The following TJP1 variants were observed in gnomAD, a reference collection of about 807,000 sequenced individuals.
TJP1 encodes the protein tight junction protein ZO-1.
In TJP1, 43 loss-of-function variants were observed where a neutral mutation model predicts 194.2. The ratio of observed to expected loss-of-function variants is 0.22; its 90% CI spans 0.17 to 0.29. TJP1 has a LOEUF of 0.29. TJP1 is among the 10% of genes least tolerant of loss of function. TJP1 has a pLI of 1.00. For missense variants in TJP1, 1,971 were observed against 2,185.7 expected, an observed-to-expected ratio of 0.90 and a Z score of 1.96; for synonymous variants, 801 against 779.0, an observed-to-expected ratio of 1.03 and a Z score of -0.47.
At chr15:29,775,027 C>G (rs147248853) in intron 2 of TJP1, among the ~76,000 whole-genome samples, 5 of 151,766 alleles carry the variant, frequency 3.3e-5, no homozygotes, top group African/African-American at 9.6e-5. Context: ...AAATTGCACA[C>G]CGTTATGAGC....
intron 2 of TJP1, among the ~76,000 whole-genome samples, chr15:29,828,953 A>T (rs1436717515): frequency 6.6e-6 from 1 of 152,092 alleles, no homozygotes; most frequent in East Asian, 1.9e-4. Flanking sequence ...GGGTTTCACC[A>T]TGTTGGCCAG....
At chr15:29,869,795 C>CT (rs11318770) in intron 2 of TJP1, among the ~76,000 whole-genome samples, 794 of 56,068 alleles carry the variant, frequency 0.014, 58 homozygotes, top group African/African-American at 0.032. Context: ...TTCTTTCTTT[C>CT]TTTTTTTTTT....
intron 2 of TJP1, among the ~76,000 whole-genome samples, chr15:29,782,369 A>G (rs897457895): frequency 6.6e-6 from 1 of 152,220 alleles, no homozygotes; most frequent in Non-Finnish European, 1.5e-5. Context: ...ACGGAACGTA[A>G]CAGGGAGCCC....
chr15:29,854,065 G>C (rs2051750778), intron 2 of TJP1, among the ~76,000 whole-genome samples: 1 of 152,054 alleles, frequency 6.6e-6, no homozygotes, highest in African/African-American at 2.4e-5. Context: ...AAAATAACAT[G>C]GCCAGTCTCT....
chr15:29,961,435 G>A (rs2056159412), intron 1 of TJP1, among the ~76,000 whole-genome samples: 1 of 130,002 alleles, frequency 7.7e-6, no homozygotes, highest in Non-Finnish European at 1.6e-5. Context: ...TGCAAGCTCC[G>A]CTTCCCGGGT....
intron 2 of TJP1, among the ~76,000 whole-genome samples, chr15:29,884,800 C>G (rs1355750748): frequency 1.3e-5 from 2 of 152,148 alleles, no homozygotes; most frequent in Non-Finnish European, 2.9e-5. Flanking sequence ...ACAAACACCA[C>G]AGGAGCAGGT....
rs538274122 is a variant in TJP1, at chr15:29,899,461, G to C, written c.306+56771C>G. On this transcript the variant is annotated intron_variant, in intron 2 of 28. Transcript: ENST00000356107. Reference sequence around the variant, plus strand: ...CATTTACTTCCTTACTATTGTCTTTGGGAAGTTTTATCAGCTCTTCAGATG... The same window carrying C: ...CATTTACTTCCTTACTATTGTCTTTCGGAAGTTTTATCAGCTCTTCAGATG... Among the ~76,000 whole-genome samples, 5 of 152,160 alleles carry C rather than the reference G, an allele frequency of 3.3e-5. No homozygotes were observed. The South Asian group carries it at 8.3e-4, about 25-fold the overall frequency.
intron 2 of TJP1, among the ~76,000 whole-genome samples, chr15:29,923,668 C>T (rs767503040): frequency 1.3e-5 from 2 of 152,130 alleles, no homozygotes; most frequent in African/African-American, 4.8e-5. Context: ...TAGGGGGTGA[C>T]AGCTGGTAAT....
intron 10 of TJP1, among the ~76,000 whole-genome samples, chr15:29,739,947 C>T (rs1197006420): frequency 6.6e-6 from 1 of 152,146 alleles, no homozygotes; most frequent in Non-Finnish European, 1.5e-5. Context: ...CTTCTATCTA[C>T]CTAGCTGGGT....
chr15:29,778,283 C>T (rs971281733), intron 2 of TJP1, among the ~76,000 whole-genome samples: 1 of 151,820 alleles, frequency 6.6e-6, no homozygotes, highest in African/African-American at 2.4e-5. Flanking sequence ...ATGCATGATC[C>T]TCAATCTATA....
intron 2 of TJP1, among the ~76,000 whole-genome samples, chr15:29,875,066 T>C (rs994233406): frequency 1.3e-5 from 2 of 152,182 alleles, no homozygotes; most frequent in Non-Finnish European, 2.9e-5. Context: ...AGAAATCCTA[T>C]TACATAAAGA....
intron 2 of TJP1, among the ~76,000 whole-genome samples, chr15:29,872,847 G>A (rs552105643): frequency 1.3e-4 from 20 of 152,268 alleles, no homozygotes; most frequent in African/African-American, 4.6e-4. Flanking sequence ...CTCTGAGTGA[G>A]TCTCACAGGG....
intron 4 of TJP1, among the ~76,000 whole-genome samples, chr15:29,768,444 C>T (rs1163504366): frequency 6.6e-6 from 1 of 152,118 alleles, no homozygotes; most frequent in Non-Finnish European, 1.5e-5. Flanking sequence ...GTATTTTAAT[C>T]TTCAGTTCCT....
At chr15:29,883,757 A>G (rs1016442553) in intron 2 of TJP1, among the ~76,000 whole-genome samples, 1 of 152,218 alleles carries the variant, frequency 6.6e-6, no homozygotes, top group Non-Finnish European at 1.5e-5. Context: ...GCCTGTAGTG[A>G]TAAAAGAGCT....
chr15:29,863,092 C>T (rs1567144245), intron 2 of TJP1, among the ~76,000 whole-genome samples: 2 of 151,500 alleles, frequency 1.3e-5, no homozygotes, highest in South Asian at 2.1e-4. Flanking sequence ...GTCAGGAGTT[C>T]GAGACCAGCC....
At chr15:29,749,991 T>A (rs990632057) in intron 8 of TJP1, among the ~76,000 whole-genome samples, 3 of 151,252 alleles carry the variant, frequency 2.0e-5, no homozygotes, top group African/African-American at 7.3e-5. Context: ...TACAGGAGCA[T>A]GCCACTGTGT....
At position 29,748,965 on chromosome 15, in the gene TJP1, C is replaced by T. The variant is rs572001298; in HGVS notation, c.1011-6184G>A. Among the ~76,000 whole-genome samples the T allele has an allele frequency of 2.3e-3, 27 of 11,578 alleles. 1 individual carries two copies. Among genetic ancestry groups the T allele is most frequent in the South Asian group, 0.023 (6 of 266 alleles). The allele number at this position is 11,578 out of a possible 152,430, so 7.6% of individuals were successfully genotyped here. On this transcript the variant is annotated intron_variant, in intron 8 of 27. Transcript: ENST00000614355. The stretch of plus-strand genomic sequence containing the variant: ...GTGTGTGTGTGTGTGCGCGTGTGTG[C>T]GCGCGCGCGTTTGCTATTATGAGGA...
At chr15:29,855,171 G>GA (rs958357256) in intron 2 of TJP1, among the ~76,000 whole-genome samples, 46 of 150,676 alleles carry the variant, frequency 3.1e-4, no homozygotes, top group Admixed American at 1.6e-3. Flanking sequence ...GGACCTATAT[G>GA]AAAAAAAAAT....
intron 15 of TJP1, among the ~76,000 whole-genome samples, chr15:29,730,009 T>A (rs1566912363): frequency 2.0e-5 from 3 of 152,162 alleles, no homozygotes; most frequent in African/African-American, 4.8e-5. Flanking sequence ...GATTTCTGTA[T>A]CTTTTGTAAT....
Sources: gnomAD v4.1 joint callset for allele counts (sites outside exome capture counted in the v4.1 genomes callset) on GRCh38, gnomAD v4.1.1 for gene constraint, MANE v1.5 for transcripts, NCBI Gene and HGNC (gene_info 2026-07-23, HGNC 2026-07-21) for gene names.